Variants in GBP1 observed in about 807,000 individuals in gnomAD.
GBP1 encodes guanylate-binding protein 1.
Under a neutral mutation model 69.5 loss-of-function variants are expected in GBP1, and 64 were observed. That is an observed-to-expected ratio of 0.92 (90% CI 0.75 to 1.13). GBP1 has a LOEUF of 1.13. GBP1 is among the 50% of genes most tolerant of loss of function. The pLI, the probability that GBP1 is intolerant of heterozygous loss-of-function variation, is 0.00. For synonymous variants in GBP1, 250 were observed against 261.2 expected (o/e 0.96, Z 0.41); for missense variants, 630 against 704.1 (o/e 0.89, Z 1.19).
intron 4 of GBP1, 84 bp downstream of exon 4, chr1:89,059,233 A>T: frequency 1.2e-6 from 2 of 1,613,672 alleles, no homozygotes; most frequent in Non-Finnish European, 1.7e-6. Context: ...AGCTTGATTC[A>T]TCAGGATTCA....
intron 7 of GBP1, 88 bp from the exon 8 acceptor site, chr1:89,056,316 G>A (rs2101222916): frequency 6.2e-7 from 1 of 1,602,098 alleles, no homozygotes; most frequent in South Asian, 1.1e-5. Flanking sequence ...TCTGAAAATA[G>A]AAGTCAATGA....
intron 8 of GBP1, chr1:89,055,599 G>A (rs1680023035): frequency 2.9e-6 from 1 of 343,318 alleles, no homozygotes; most frequent in Non-Finnish European, 5.4e-6. Flanking sequence ...GAAAACTGTG[G>A]GGATGGGGGA....
At position 89,053,276 on chromosome 1, in the gene GBP1, A is replaced by C. The variant is rs1481149411; in HGVS notation, c.*79T>G. 9.6e-7 allele frequency: 1 copy of C among 1,036,298 alleles called. No homozygotes were observed. The highest frequency in any genetic ancestry group is 1.4e-6 in the Non-Finnish European group (1 of 698,384). 64.2% of individuals were successfully genotyped at this position (1,036,298 alleles called of 1,614,324 possible). A position where few individuals can be genotyped will look rare whatever the true frequency, so the allele number is the denominator to read the frequency against. On this transcript the variant is annotated 3_prime_UTR_variant, in exon 11 of 11. Coordinates refer to ENST00000370473, the MANE Select transcript of GBP1 (RefSeq NM_002053.3). Reference sequence around the variant, plus strand: ...TATGATGCAAGATCTAATTATTATCAAATGTAGTGACGCTTGTTCCAAATT... The same window carrying C: ...TATGATGCAAGATCTAATTATTATCCAATGTAGTGACGCTTGTTCCAAATT...
chr1:89,062,091 A>C (rs1247893135), intron 2 of GBP1, among the ~76,000 whole-genome samples: 1 of 152,218 alleles, frequency 6.6e-6, no homozygotes, highest in African/African-American at 2.4e-5. Flanking sequence ...GTCACTGTGG[A>C]AAATGGTATA....
rs1679958105 is a variant in GBP1, at chr1:89,052,995, G to A, written c.*360C>T. 1.1e-5 allele frequency: 2 copies of A among 175,140 alleles called. No individual in the cohort carries two copies. Among genetic ancestry groups the A allele is most frequent in the Admixed American group, 1.2e-4 (2 of 16,350 alleles). 10.8% of individuals were successfully genotyped at this position (175,140 alleles called of 1,614,324 possible). On this transcript the variant is annotated 3_prime_UTR_variant, in exon 11 of 11. Transcript: ENST00000370473. ...GCTAGGGTGGTTGTCCTTGATATTG[G>A]GACATTGTAGACTTGGCCAGACCAA... is the stretch of plus-strand genomic sequence containing the variant.
intron 2 of GBP1, among the ~76,000 whole-genome samples, chr1:89,061,738 G>C (rs548352693): frequency 5.3e-5 from 8 of 152,020 alleles, no homozygotes; most frequent in Non-Finnish European, 8.8e-5. Context: ...CGGAATGTAA[G>C]AAAATGGTTT....
rs1680129118 is a variant in GBP1, at chr1:89,059,443, A to G, written c.319-17T>C. The G allele has an allele frequency of 1.9e-6, 3 of 1,613,738 alleles. No individual in the cohort carries two copies. Among genetic ancestry groups the G allele is most frequent in the Non-Finnish European group, 2.5e-6 (3 of 1,179,860 alleles). On this transcript the variant is annotated splice_polypyrimidine_tract_variant and intron_variant, in intron 3 of 10. Transcript: ENST00000370473. ...GTTGTCACCCTGGAAGTCAAGACAC[A>G]CTGGAGTCAGGAGCAAGTTTCATCA... is the stretch of plus-strand genomic sequence containing the variant.
intron 2 of GBP1, among the ~76,000 whole-genome samples, chr1:89,062,528 T>C (rs1229457162): frequency 2.0e-5 from 3 of 152,240 alleles, no homozygotes; most frequent in Non-Finnish European, 2.9e-5. Flanking sequence ...ATACAGTTTC[T>C]GTTAGGCAAG....
rs556955695 is a variant in GBP1, at chr1:89,058,231, GT to G, written c.634del (p.Thr212ProfsTer55). On this transcript the variant is annotated frameshift_variant and splice_region_variant, in exon 6 of 11. Coordinates refer to ENST00000370473, the MANE Select transcript of GBP1 (RefSeq NM_002053.3). LOFTEE classifies it high-confidence loss of function. ...LTYSLKLKKG[T>X]SQKDETFNLP... Reference sequence around the variant, plus strand: ...GTTAAAAGTTTCATCTTTTTGACTGGTACCTAGAAAAACATTTAAAAAATTA... The same window carrying G: ...GTTAAAAGTTTCATCTTTTTGACTGGACCTAGAAAAACATTTAAAAAATTA... The G allele has an allele frequency of 2.2e-4, 342 of 1,578,148 alleles. No homozygotes were observed. The highest frequency in any genetic ancestry group is 2.9e-4 in the Non-Finnish European group (334 of 1,165,578).
intron 6 of GBP1, 49 bp from the exon 7 acceptor site, chr1:89,057,183 C>G (rs1423296462): frequency 1.2e-6 from 2 of 1,606,656 alleles, no homozygotes; most frequent in Non-Finnish European, 1.7e-6. Context: ...AAGAAAGTCT[C>G]TATTCCATGT....
At chr1:89,059,188 T>A in intron 4 of GBP1, 129 bp downstream of exon 4, 1 of 1,592,886 alleles carries the variant, frequency 6.3e-7, no homozygotes, top group Non-Finnish European at 8.6e-7. Context: ...GGATCTCTCC[T>A]CTGTACTTGC....
intron 1 of GBP1, 66 bp from the exon 2 acceptor site, chr1:89,063,319 A>G: frequency 6.8e-7 from 1 of 1,460,726 alleles, no homozygotes; most frequent in South Asian, 1.3e-5. Context: ...GAGAATCATA[A>G]GATTCCCCAG....
Position 89,053,174 on chromosome 1 carries a change from T to C in GBP1, c.*181A>G. The C allele has an allele frequency of 1.9e-6, 1 of 516,658 alleles. No homozygotes were observed. Among genetic ancestry groups the C allele is most frequent in the Non-Finnish European group, 3.4e-6 (1 of 297,236 alleles). The allele number at this position is 516,658 out of a possible 1,614,324, so 32.0% of individuals were successfully genotyped here. A position where few individuals can be genotyped will look rare whatever the true frequency, so the allele number is the denominator to read the frequency against. ...AGGTAAATGCATCTTTGTTGCACAA[T>C]TTACAGTCTTTTTTTTTTTTTAAGA... On this transcript the variant is annotated 3_prime_UTR_variant, in exon 11 of 11. Transcript: ENST00000370473.
intron 2 of GBP1, among the ~76,000 whole-genome samples, chr1:89,060,555 C>A (rs1016504943): frequency 6.6e-6 from 1 of 152,136 alleles, no homozygotes; most frequent in African/African-American, 2.4e-5. Flanking sequence ...AAAGACAGCA[C>A]CTCAACATAA....
rs1476487033 is a variant in GBP1 at position 89,056,031 on chromosome 1, C to T, written c.1353G>A (p.Pro451=). The change falls in exon 8 of 11, where the codon CCG becomes CCA. Residue 451 remains proline (P), a synonymous_variant. Coordinates refer to ENST00000370473, the MANE Select transcript of GBP1 (RefSeq NM_002053.3). ...TCTTGGTTACCTGTATCCCCTTCCT[C>T]GGTTCCTCATAGTACTTTTTCTTCA... The part of the protein sequence containing the change: ...QDLKKKYYEE[P]RKGIQAEEIL... 1.4e-5 allele frequency: 23 copies of T among 1,613,878 alleles called. No individual in the cohort carries two copies. The highest frequency in any genetic ancestry group is 6.7e-5 in the East Asian group (3 of 44,892).
At chr1:89,063,844 A>G (rs1680263483) in intron 1 of GBP1, among the ~76,000 whole-genome samples, 1 of 152,210 alleles carries the variant, frequency 6.6e-6, no homozygotes, top group African/African-American at 2.4e-5. Context: ...TTATAAAACT[A>G]TACAACCATG....
chr1:89,058,762 A>T, intron 5 of GBP1, 79 bp downstream of exon 5: 1 of 1,504,882 alleles, frequency 6.6e-7, no homozygotes, highest in Non-Finnish European at 9.2e-7. Context: ...AAATGCTGGA[A>T]AACTAGCAAT....
At chr1:89,055,819 G>A (rs1206957305) in intron 8 of GBP1, 197 bp downstream of exon 8, 5 of 654,536 alleles carry the variant, frequency 7.6e-6, no homozygotes, top group African/African-American at 5.5e-5. Context: ...TAACTTAATA[G>A]TTAATTGACT....
chr1:89,058,336 T>C, intron 5 of GBP1, 102 bp from the exon 6 acceptor site: 1 of 977,424 alleles, frequency 1.0e-6, no homozygotes, highest in Non-Finnish European at 1.5e-6. Context: ...ATGGTCTCTT[T>C]TCCAAGTATT....
Sources: allele counts gnomAD v4.1 joint callset (sites outside exome capture counted in the v4.1 genomes callset), GRCh38; gene constraint gnomAD v4.1.1; transcripts MANE v1.5; gene names NCBI Gene and HGNC (gene_info 2026-07-23, HGNC 2026-07-21).